GPC6: variants seen among roughly 807,000 people sequenced by gnomAD.
GPC6 encodes glypican 6.
Under a neutral mutation model 55.2 loss-of-function variants are expected in GPC6, and 14 were observed. That is an observed-to-expected ratio of 0.25 (90% confidence interval 0.17 to 0.40). The LOEUF is 0.40. Ranked by LOEUF, GPC6 falls within the 10% of genes least tolerant of loss-of-function variation. The pLI is 1.00. For synonymous variants in GPC6, 278 were observed against 259.6 expected, an observed-to-expected ratio of 1.07 and a Z score of -0.68; for missense variants, 641 against 708.5, an observed-to-expected ratio of 0.90 and a Z score of 1.08.
chr13:93,728,849 T>C (rs1037918752), intron 2 of GPC6, among the ~76,000 whole-genome samples: 1 of 152,190 alleles, frequency 6.6e-6, no homozygotes, highest in African/African-American at 2.4e-5. Context: ...ATTACAGGCG[T>C]GAGCCACTGC....
chr13:93,606,596 T>A (rs1878247713), intron 2 of GPC6, among the ~76,000 whole-genome samples: 1 of 152,148 alleles, frequency 6.6e-6, no homozygotes, highest in African/African-American at 2.4e-5. Flanking sequence ...ATTTGAGGTG[T>A]CCAGTGATAA....
intron 4 of GPC6, among the ~76,000 whole-genome samples, chr13:94,206,974 C>T (rs998690704): frequency 6.6e-5 from 10 of 152,176 alleles, no homozygotes; most frequent in African/African-American, 2.4e-4. Flanking sequence ...CTCACCAAGC[C>T]AGTATTTCTT....
chr13:93,540,628 T>A (rs930412418), intron 1 of GPC6, among the ~76,000 whole-genome samples: 9 of 152,188 alleles, frequency 5.9e-5, no homozygotes, highest in African/African-American at 2.2e-4. Context: ...TGTTTAGTGA[T>A]CAGATAGGGG....
chr13:93,412,693 G>A (rs185536665), intron 1 of GPC6, among the ~76,000 whole-genome samples: 21 of 152,090 alleles, frequency 1.4e-4, no homozygotes, highest in Non-Finnish European at 2.8e-4. Context: ...GCCATTAATT[G>A]TTTTATTTCT....
chr13:93,662,061 A>T (rs979179644), intron 2 of GPC6, among the ~76,000 whole-genome samples: 1 of 152,132 alleles, frequency 6.6e-6, no homozygotes, highest in African/African-American at 2.4e-5. Context: ...TCTCCCTACT[A>T]GCATGAAATC....
At chr13:93,394,593 G>A (rs1875773237) in intron 1 of GPC6, among the ~76,000 whole-genome samples, 1 of 152,112 alleles carries the variant, frequency 6.6e-6, no homozygotes, top group South Asian at 2.1e-4. Flanking sequence ...TTTTCAAGTT[G>A]GTGAGGCTGA....
intron 2 of GPC6, among the ~76,000 whole-genome samples, chr13:93,827,551 T>C (rs1284392771): frequency 6.6e-6 from 1 of 152,160 alleles, no homozygotes. Context: ...CGTCTTTCAA[T>C]ACCAAATATT....
chr13:94,260,796 A>G (rs765061823), intron 4 of GPC6, among the ~76,000 whole-genome samples: 5 of 152,092 alleles, frequency 3.3e-5, no homozygotes, highest in South Asian at 2.1e-4. Flanking sequence ...TGAGTTTTCT[A>G]CCTATCAGTC....
chr13:94,314,926 A>G (rs985350578), intron 6 of GPC6, among the ~76,000 whole-genome samples: 1 of 152,226 alleles, frequency 6.6e-6, no homozygotes, highest in African/African-American at 2.4e-5. Flanking sequence ...TAAACCTCAG[A>G]CATAAACATT....
chr13:93,219,470 A>G, the GPC6 span, among the ~76,000 whole-genome samples: 1 of 152,198 alleles, frequency 6.6e-6, no homozygotes, highest in South Asian at 2.1e-4. Context: ...ATAGCCAATG[A>G]ATAGAGAAAA....
chr13:94,022,602 C>T (rs1882739372), intron 3 of GPC6, among the ~76,000 whole-genome samples: 1 of 151,934 alleles, frequency 6.6e-6, no homozygotes, highest in Non-Finnish European at 1.5e-5. Flanking sequence ...GTATATATAA[C>T]CAGAAAAGGG....
At chr13:94,004,312 A>G (rs557768081) in intron 3 of GPC6, among the ~76,000 whole-genome samples, 6 of 151,944 alleles carry the variant, frequency 3.9e-5, no homozygotes, top group Admixed American at 6.6e-5. Context: ...AGAGATAATC[A>G]CATGGTATAC....
At chr13:93,233,537 G>A (rs1299547318) in intron 1 of GPC6, among the ~76,000 whole-genome samples, 1 of 152,078 alleles carries the variant, frequency 6.6e-6, no homozygotes, top group Admixed American at 6.5e-5. Flanking sequence ...ATCCCAGCAG[G>A]GAAGCAGAAA....
intron 1 of GPC6, among the ~76,000 whole-genome samples, chr13:93,350,903 T>A (rs1880608150): frequency 6.6e-6 from 1 of 152,138 alleles, no homozygotes; most frequent in African/African-American, 2.4e-5. Flanking sequence ...TTTTAACTTT[T>A]CAGATGATGA....
intron 1 of GPC6, among the ~76,000 whole-genome samples, chr13:93,435,113 T>A (rs1011223775): frequency 6.6e-6 from 1 of 152,046 alleles, no homozygotes; most frequent in African/African-American, 2.4e-5. Flanking sequence ...GGTTAATTTC[T>A]TTTTACTTTT....
chr13:93,530,681 C>A (rs1472901855), intron 1 of GPC6, among the ~76,000 whole-genome samples: 17 of 152,064 alleles, frequency 1.1e-4, no homozygotes, highest in Admixed American at 1.1e-3. Flanking sequence ...AAATAAAATG[C>A]ATAAATTTAC....
chr13:93,292,157 A>C (rs1878339286), intron 1 of GPC6, among the ~76,000 whole-genome samples: 1 of 152,178 alleles, frequency 6.6e-6, no homozygotes, highest in Non-Finnish European at 1.5e-5. Flanking sequence ...TGGTTAACTA[A>C]TAGCTTTATT....
chr13:94,210,579 G>C (rs1252210725), intron 4 of GPC6, among the ~76,000 whole-genome samples: 1 of 152,146 alleles, frequency 6.6e-6, no homozygotes, highest in Non-Finnish European at 1.5e-5. Flanking sequence ...ATTAGAACAG[G>C]AGGTAAAAAT....
intron 2 of GPC6, among the ~76,000 whole-genome samples, chr13:93,636,742 C>T (rs1473975025): frequency 6.6e-6 from 1 of 152,094 alleles, no homozygotes; most frequent in Non-Finnish European, 1.5e-5. Context: ...GGCAGTCCAC[C>T]AGAAATATCA....
Sources: gnomAD v4.1 joint callset for allele counts (sites outside exome capture counted in the v4.1 genomes callset) on GRCh38, gnomAD v4.1.1 for gene constraint, MANE v1.5 for transcripts, NCBI Gene and HGNC (gene_info 2026-07-23, HGNC 2026-07-21) for gene names.